The following CREM variants were observed in gnomAD, a reference collection of about 807,000 sequenced individuals.
CREM encodes the protein cAMP responsive element modulator.
Under a neutral mutation model 37.3 loss-of-function variants are expected in CREM, and 13 were observed. That is an observed-to-expected ratio of 0.35 (90% CI 0.23 to 0.55). The LOEUF is 0.55. Ranked by LOEUF, CREM falls within the 20% of genes least tolerant of loss-of-function variation. CREM has a pLI of 0.88. For missense variants in CREM, 296 were observed against 362.3 expected (o/e 0.82, Z 1.49); for synonymous variants, 124 against 120.2 (o/e 1.03, Z -0.21).
intron 2 of CREM, among the ~76,000 whole-genome samples, chr10:35,145,871 A>G (rs1589407723): frequency 6.6e-6 from 1 of 152,126 alleles, no homozygotes; most frequent in Non-Finnish European, 1.5e-5. Flanking sequence ...ATTTTAGTAC[A>G]TATTGGAATT....
intron 2 of CREM, among the ~76,000 whole-genome samples, chr10:35,138,939 AC>A (rs969089040): frequency 5.3e-5 from 8 of 152,046 alleles, no homozygotes; most frequent in Non-Finnish European, 7.4e-5. Context: ...TTTTAAAAAA[AC>A]AATAGATATA....
intron 3 of CREM, among the ~76,000 whole-genome samples, chr10:35,168,560 T>C (rs1459526801): frequency 2.0e-5 from 3 of 152,172 alleles, no homozygotes; most frequent in Admixed American, 1.3e-4. Context: ...CCTCTTCACT[T>C]TGATCGTAGT....
chr10:35,199,311 A>T (rs2095313786), intron 6 of CREM, among the ~76,000 whole-genome samples: 1 of 152,196 alleles, frequency 6.6e-6, no homozygotes, highest in Non-Finnish European at 1.5e-5. Context: ...TACTCATGTT[A>T]TTTTCCTACT....
chr10:35,195,270 G>A, intron 6 of CREM: 2 of 1,602,844 alleles, frequency 1.2e-6, no homozygotes, highest in Non-Finnish European at 1.7e-6. Context: ...TTGAAGTTTA[G>A]GAAGTATTCA....
At chr10:35,138,526 A>ATT (rs752036917) in intron 2 of CREM, among the ~76,000 whole-genome samples, 33 of 136,926 alleles carry the variant, frequency 2.4e-4, no homozygotes, top group African/African-American at 6.9e-4. Flanking sequence ...AAATTTTAGA[A>ATT]TTTTTTTTTT....
intron 5 of CREM, among the ~76,000 whole-genome samples, chr10:35,182,524 T>G (rs2094395544): frequency 6.6e-6 from 1 of 152,202 alleles, no homozygotes. Flanking sequence ...ATTTTTAATT[T>G]GGAATAATGA....
intron 1 of CREM, among the ~76,000 whole-genome samples, chr10:35,132,210 A>G (rs1014541643): frequency 1.3e-5 from 2 of 151,362 alleles, no homozygotes; most frequent in African/African-American, 4.8e-5. Context: ...TCAAAAAAAA[A>G]AAAAAAAGAA....
At chr10:35,154,259 T>A (rs2092764758) in intron 3 of CREM, 1 of 391,626 alleles carries the variant, frequency 2.6e-6, no homozygotes, top group African/African-American at 2.1e-5. Flanking sequence ...TGGTCCCACA[T>A]AGGCCTAGGA....
chr10:35,201,440 C>A, intron 6 of CREM: 1 of 1,551,110 alleles, frequency 6.4e-7, no homozygotes, highest in East Asian at 2.4e-5. Context: ...TACTGTATCC[C>A]CATTTTACAG....
chr10:35,163,292 T>C (rs1211293121), intron 3 of CREM, among the ~76,000 whole-genome samples: 1 of 152,192 alleles, frequency 6.6e-6, no homozygotes, highest in Non-Finnish European at 1.5e-5. Flanking sequence ...TATGGTAATA[T>C]ACCATGGTAG....
rs2090810048 is a variant in CREM at position 35,137,840 on chromosome 10, G to A, written c.5G>A (p.Ser2Asn). Residue 2 changes from serine to asparagine, a missense_variant, in exon 2 of 8, where the codon AGC becomes AAC. Transcript: ENST00000685392. ...TTGATTACAAATATCTTAACAATGAGCAAATGTGCAAGGAAAAAATATATT... is the reference window on the plus strand; with the variant it reads ...TTGATTACAAATATCTTAACAATGAACAAATGTGCAAGGAAAAAATATATT... The part of the protein sequence containing the change: M[S>N]KCARKKYIKT... 3.2e-6 allele frequency: 5 copies of A among 1,580,978 alleles called. No homozygotes were observed. The highest frequency in any genetic ancestry group is 4.3e-6 in the Non-Finnish European group (5 of 1,160,994).
At chr10:35,142,558 CTCCA>C (rs1258730602) in intron 2 of CREM, among the ~76,000 whole-genome samples, 1 of 152,180 alleles carries the variant, frequency 6.6e-6, no homozygotes, top group Non-Finnish European at 1.5e-5. Flanking sequence ...AGGAGGCAAA[CTCCA>C]TCAGTTTGCC....
chr10:35,147,041 GTTTTTTTTTTT>G (rs755346866), intron 2 of CREM, among the ~76,000 whole-genome samples: 40,322 of 121,394 alleles, frequency 0.33, 6,446 homozygotes, highest in South Asian at 0.41. Flanking sequence ...AGTTTTTTGG[GTTTTTTTTTTT>G]TTTTTTTTTT....
chr10:35,154,313 CAAAT>C (rs1296193547), intron 3 of CREM: 7 of 374,050 alleles, frequency 1.9e-5, no homozygotes, highest in African/African-American at 4.2e-5. Context: ...AATGAGCAAA[CAAAT>C]AGAAGACCTC....
intron 5 of CREM, among the ~76,000 whole-genome samples, chr10:35,186,168 A>AT (rs1306611944): frequency 6.6e-6 from 1 of 152,156 alleles, no homozygotes; most frequent in Non-Finnish European, 1.5e-5. Flanking sequence ...TTTATATGTG[A>AT]TTTTTTAAAA....
chr10:35,211,156 C>T lies in CREM; in HGVS notation c.756-98C>T. The T allele has an allele frequency of 6.8e-6, 9 of 1,327,446 alleles. 1 individual carries two copies. In the South Asian group the frequency reaches 6.9e-5, roughly 10 times the overall value. The allele number at this position is 1,327,446 out of a possible 1,614,324, so 82.2% of individuals were successfully genotyped here. A position where few individuals can be genotyped will look rare whatever the true frequency, so the allele number is the denominator to read the frequency against. ...GCTTTGTACAGTCCTTACCTAGGAT[C>T]GATTGGCTGTTGAGTTCGGGGGGCA... On this transcript the variant is annotated intron_variant, in intron 7 of 7. Coordinates refer to ENST00000685392, the MANE Select transcript of CREM (RefSeq NM_183011.2).
At chr10:35,145,160 C>CAAAAAAAAA (rs34802396) in intron 2 of CREM, among the ~76,000 whole-genome samples, 2 of 67,854 alleles carry the variant, frequency 2.9e-5, no homozygotes, top group Non-Finnish European at 5.9e-5. Flanking sequence ...GACACTGTCT[C>CAAAAAAAAA]AAAAAAAAAA....
intron 2 of CREM, among the ~76,000 whole-genome samples, chr10:35,143,479 G>A (rs1426214801): frequency 1.3e-5 from 2 of 152,118 alleles, no homozygotes; most frequent in South Asian, 2.1e-4. Context: ...TTCAGAGCTG[G>A]ACCAATTTGC....
At chr10:35,203,457 G>C (rs570369863) in intron 6 of CREM, among the ~76,000 whole-genome samples, 3 of 152,260 alleles carry the variant, frequency 2.0e-5, no homozygotes, top group South Asian at 4.1e-4. Flanking sequence ...ACTTTGGGAG[G>C]CTGAGGCAGG....
Sources: gnomAD v4.1 joint callset for allele counts (sites outside exome capture counted in the v4.1 genomes callset) on GRCh38, gnomAD v4.1.1 for gene constraint, MANE v1.5 for transcripts, NCBI Gene and HGNC (gene_info 2026-07-23, HGNC 2026-07-21) for gene names.